Variants in CAST observed in about 807,000 individuals in gnomAD.
CAST encodes the protein MIR583 host.
In CAST, 76 loss-of-function variants were observed where a neutral mutation model predicts 119.6. That is an observed-to-expected ratio of 0.64 (90% CI 0.53 to 0.77). CAST has a LOEUF of 0.77. Among genes scored for constraint, CAST ranks in the 30% least tolerant of loss-of-function variants. CAST has a pLI of 0.00. For missense variants in CAST, 953 were observed against 946.5 expected, an observed-to-expected ratio of 1.01 and a Z score of -0.09; for synonymous variants, 319 against 331.6, an observed-to-expected ratio of 0.96 and a Z score of 0.41.
At chr5:96,501,364 T>C in the CAST span, among the ~76,000 whole-genome samples, 1 of 152,040 alleles carries the variant, frequency 6.6e-6, no homozygotes, top group Non-Finnish European at 1.5e-5. Flanking sequence ...ACCTAAAAAA[T>C]AAAACAGGCA....
the CAST span, among the ~76,000 whole-genome samples, chr5:96,222,051 T>C: frequency 6.6e-6 from 1 of 151,960 alleles, no homozygotes; most frequent in South Asian, 2.1e-4. Context: ...AAATTAGATA[T>C]CCATATGCAG....
Position 96,774,481 on chromosome 5 carries a change from C to T in CAST, c.*1865C>T, listed in dbSNP as rs1020422124. On this transcript the variant is annotated 3_prime_UTR_variant, in exon 32 of 32. Coordinates refer to ENST00000675179, the MANE Select transcript of CAST (RefSeq NM_001750.7). ...GAGAGAGAAAATAATTGCAAATATC[C>T]ACTTAGAGGCAAAGAACAATTTTTT... The T allele has an allele frequency of 3.0e-6, 3 of 984,288 alleles. No homozygotes were observed. In the Admixed American group the frequency reaches 1.8e-4, roughly 61 times the overall value. 61.0% of individuals were successfully genotyped at this position (984,288 alleles called of 1,614,324 possible).
the CAST span, among the ~76,000 whole-genome samples, chr5:96,098,345 T>A: frequency 6.6e-6 from 1 of 152,138 alleles, no homozygotes; most frequent in African/African-American, 2.4e-5. Context: ...ATTTGTCTAT[T>A]TTTGTTTTTG....
chr5:96,314,314 T>C, the CAST span, among the ~76,000 whole-genome samples: 5 of 152,236 alleles, frequency 3.3e-5, no homozygotes, highest in East Asian at 3.8e-4. Flanking sequence ...CTTGCTGAAG[T>C]TGGGCATCTT....
chr5:96,420,421 G>T, the CAST span, among the ~76,000 whole-genome samples: 2 of 152,134 alleles, frequency 1.3e-5, no homozygotes, highest in Non-Finnish European at 2.9e-5. Flanking sequence ...TTGCTCCAAA[G>T]GTACCCTTGC....
At chr5:96,431,317 T>C in the CAST span, among the ~76,000 whole-genome samples, 13 of 152,252 alleles carry the variant, frequency 8.5e-5, no homozygotes, top group African/African-American at 3.1e-4. Flanking sequence ...TATGTGCTCC[T>C]GGCAACCTTT....
Position 96,606,310 on chromosome 5 carries a change from C to A in CAST, c.61-69229C>A, listed in dbSNP as rs144454912. 2.4e-3 allele frequency among the ~76,000 whole-genome samples: 362 copies of A among 152,320 alleles called. 2 individuals carry two copies. Among genetic ancestry groups the A allele is most frequent in the African/African-American group, 8.5e-3 (353 of 41,570 alleles). On this transcript the variant is annotated intron_variant, in intron 1 of 11. Coordinates refer to the CAST transcript ENST00000505143. Reference sequence around the variant, plus strand: ...CCAGTATTTAAACCGTACCTTACCACCTACTAACTTTGTCATATTTGGTAA... The same window carrying A: ...CCAGTATTTAAACCGTACCTTACCAACTACTAACTTTGTCATATTTGGTAA...
At chr5:96,177,169 G>C in the CAST span, among the ~76,000 whole-genome samples, 2 of 152,110 alleles carry the variant, frequency 1.3e-5, no homozygotes, top group Non-Finnish European at 2.9e-5. Flanking sequence ...CTTTACCAAC[G>C]GAGTAGATTT....
chr5:96,571,956 T>C (rs1192973694), intron 1 of CAST, among the ~76,000 whole-genome samples: 1 of 152,226 alleles, frequency 6.6e-6, no homozygotes, highest in Admixed American at 6.5e-5. Context: ...ATAAATAAAT[T>C]GTCCAATGAA....
the CAST span, among the ~76,000 whole-genome samples, chr5:96,059,394 G>C: frequency 6.6e-6 from 1 of 152,132 alleles, no homozygotes; most frequent in Non-Finnish European, 1.5e-5. Flanking sequence ...AAATAAGTCT[G>C]GGTCCTCAGG....
chr5:96,428,153 A>C, the CAST span, among the ~76,000 whole-genome samples: 3 of 152,152 alleles, frequency 2.0e-5, no homozygotes, highest in Non-Finnish European at 2.9e-5. Flanking sequence ...TCTTTTAAAA[A>C]TTCTATCAGT....
At chr5:96,420,527 G>A in the CAST span, among the ~76,000 whole-genome samples, 23 of 152,182 alleles carry the variant, frequency 1.5e-4, no homozygotes, top group Admixed American at 7.8e-4. Context: ...TAAATGGTAC[G>A]GAAAGAAGTC....
intron 1 of CAST, among the ~76,000 whole-genome samples, chr5:96,569,367 A>G (rs1746531782): frequency 6.6e-6 from 1 of 152,216 alleles, no homozygotes. Flanking sequence ...CTACTTGAAG[A>G]TAGATGAATA....
At chr5:96,433,187 G>T in the CAST span, 4 of 780,824 alleles carry the variant, frequency 5.1e-6, no homozygotes, top group African/African-American at 1.7e-5. Context: ...GCTAGGAGGC[G>T]CGAGAGGAGA....
the CAST span, chr5:96,412,561 C>G: frequency 3.0e-6 from 4 of 1,341,524 alleles, no homozygotes; most frequent in Non-Finnish European, 1.1e-6. Flanking sequence ...GCCCAATACT[C>G]TTACTATTTG....
the CAST span, among the ~76,000 whole-genome samples, chr5:96,131,282 C>T: frequency 6.6e-6 from 1 of 151,944 alleles, no homozygotes; most frequent in Non-Finnish European, 1.5e-5. Flanking sequence ...GTAATATGTA[C>T]AGTGTGATAG....
chr5:96,730,767 C>T lies in CAST; in HGVS notation c.550-13C>T. 1.2e-6 allele frequency: 2 copies of T among 1,604,114 alleles called. No individual in the cohort carries two copies. The highest frequency in any genetic ancestry group is 1.7e-6 in the Non-Finnish European group (2 of 1,170,904). Reference sequence around the variant, plus strand: ...TACTTAGCTCTGTCAACCTTTTATCCTCACTGTCTTAGACTAAACCACAAG... The same window carrying T: ...TACTTAGCTCTGTCAACCTTTTATCTTCACTGTCTTAGACTAAACCACAAG... On this transcript the variant is annotated splice_polypyrimidine_tract_variant and intron_variant, in intron 8 of 31. Transcript: ENST00000675179.
At chr5:96,278,870 A>G in the CAST span, 8 of 152,238 alleles carry the variant, frequency 5.3e-5, no homozygotes, top group South Asian at 2.1e-4. Context: ...AAATACATGC[A>G]TCCACATATT....
the CAST span, among the ~76,000 whole-genome samples, chr5:96,000,741 A>G: frequency 1.3e-5 from 2 of 152,326 alleles, no homozygotes; most frequent in South Asian, 4.1e-4. Context: ...CAATGGCTTC[A>G]CTTTCTTTGG....
Sources: allele counts gnomAD v4.1 joint callset (sites outside exome capture counted in the v4.1 genomes callset), GRCh38; gene constraint gnomAD v4.1.1; transcripts MANE v1.5; gene names NCBI Gene and HGNC (gene_info 2026-07-23, HGNC 2026-07-21).